Variants in GPC5 observed in about 807,000 individuals in gnomAD.
GPC5 encodes glypican 5.
GPC5 carries 47 observed loss-of-function variants against 53.9 expected under a neutral mutation model. That is an observed-to-expected ratio of 0.87 (90% CI 0.69 to 1.11). The LOEUF (loss-of-function observed/expected upper bound fraction) is 1.11. GPC5 is among the 50% of genes most tolerant of loss of function. The pLI, the probability that GPC5 is intolerant of heterozygous loss-of-function variation, is 0.00. For missense variants in GPC5, 748 were observed against 713.1 expected, an observed-to-expected ratio of 1.05 and a Z score of -0.56; for synonymous variants, 286 against 263.3, an observed-to-expected ratio of 1.09 and a Z score of -0.84.
chr13:92,482,342 G>T (rs1879389674), intron 7 of GPC5, among the ~76,000 whole-genome samples: 1 of 152,058 alleles, frequency 6.6e-6, no homozygotes, highest in Non-Finnish European at 1.5e-5. Context: ...CCTCCTAAAA[G>T]CTGTTTAGCT....
rs559340054 is a variant in GPC5, at chr13:91,455,867, G to A, written c.325+6945G>A. Among the ~76,000 whole-genome samples, 18 of 152,168 alleles carry A rather than the reference G, an allele frequency of 1.2e-4. No individual in the cohort carries two copies. The East Asian group carries it at 3.5e-3, about 29-fold the overall frequency. On this transcript the variant is annotated intron_variant, in intron 2 of 7. Coordinates refer to ENST00000377067, the MANE Select transcript of GPC5 (RefSeq NM_004466.6). ...CATTATATACATGCAACCCACTCAT[G>A]ATGTATGTGTAAAATAACTTTTATG...
intron 6 of GPC5, among the ~76,000 whole-genome samples, chr13:91,958,172 G>A (rs534887514): frequency 6.7e-6 from 1 of 148,456 alleles, no homozygotes; most frequent in East Asian, 2.0e-4. Context: ...TAGACTGAAA[G>A]TAAAGTGGGG....
chr13:92,322,274 G>GAA (rs538544943), intron 7 of GPC5, among the ~76,000 whole-genome samples: 4 of 130,046 alleles, frequency 3.1e-5, no homozygotes, highest in Non-Finnish European at 3.2e-5. Flanking sequence ...GTGAATGGGG[G>GAA]AAAAAAAAAA....
At chr13:92,489,410 A>G (rs1490064730) in intron 7 of GPC5, among the ~76,000 whole-genome samples, 1 of 152,176 alleles carries the variant, frequency 6.6e-6, no homozygotes, top group Non-Finnish European at 1.5e-5. Context: ...ACCAGTAAAT[A>G]CATCATGTGT....
At chr13:91,815,743 T>G (rs1355797813) in intron 5 of GPC5, among the ~76,000 whole-genome samples, 2 of 152,196 alleles carry the variant, frequency 1.3e-5, no homozygotes, top group African/African-American at 2.4e-5. Flanking sequence ...AGATCTGTGT[T>G]TTTCTACCAT....
chr13:92,160,297 T>G (rs1465175645), intron 7 of GPC5, among the ~76,000 whole-genome samples: 5 of 152,222 alleles, frequency 3.3e-5, no homozygotes, highest in African/African-American at 9.6e-5. Context: ...CCTGTTTTCT[T>G]GACTGGACCT....
At chr13:92,650,069 A>AAG (rs1362291467) in intron 7 of GPC5, among the ~76,000 whole-genome samples, 1 of 152,130 alleles carries the variant, frequency 6.6e-6, no homozygotes, top group Non-Finnish European at 1.5e-5. Flanking sequence ...GTTCACCTGT[A>AAG]AGATTTTACT....
chr13:92,031,728 ATT>A (rs2040845406), intron 6 of GPC5, among the ~76,000 whole-genome samples: 1 of 70,794 alleles, frequency 1.4e-5, no homozygotes, highest in Non-Finnish European at 2.5e-5. Context: ...TATGTAATAT[ATT>A]ACATATTATA....
intron 7 of GPC5, among the ~76,000 whole-genome samples, chr13:92,397,114 C>G (rs1875318126): frequency 6.6e-6 from 1 of 152,202 alleles, no homozygotes; most frequent in South Asian, 2.1e-4. Flanking sequence ...ACTGTTAACA[C>G]TTGTCCCACT....
chr13:91,494,137 G>A (rs984958483), intron 2 of GPC5, among the ~76,000 whole-genome samples: 10 of 151,434 alleles, frequency 6.6e-5, no homozygotes, highest in African/African-American at 7.3e-5. Context: ...TGATCCACCC[G>A]CCTCGGCCTC....
intron 5 of GPC5, among the ~76,000 whole-genome samples, chr13:91,840,480 T>C (rs1344199409): frequency 3.3e-5 from 5 of 152,098 alleles, no homozygotes; most frequent in African/African-American, 1.2e-4. Flanking sequence ...GAGGATATAA[T>C]GAAGCTTGCA....
intron 7 of GPC5, among the ~76,000 whole-genome samples, chr13:92,212,790 A>T (rs2042384610): frequency 6.6e-6 from 1 of 152,178 alleles, no homozygotes. Context: ...TTGGTCCGGT[A>T]CCTAAAGACT....
chr13:91,950,368 C>A (rs9589376), intron 6 of GPC5, among the ~76,000 whole-genome samples: 9,999 of 150,818 alleles, frequency 0.066, 489 homozygotes, highest in African/African-American at 0.13. Flanking sequence ...CCTCCCAGCC[C>A]CACCCTCCAC....
chr13:92,269,591 A>G (rs2042826224), intron 7 of GPC5, among the ~76,000 whole-genome samples: 1 of 152,070 alleles, frequency 6.6e-6, no homozygotes, highest in South Asian at 2.1e-4. Context: ...TATTTTTAGT[A>G]GAGACGGGAT....
intron 3 of GPC5, among the ~76,000 whole-genome samples, chr13:91,696,884 A>G (rs1221491226): frequency 6.6e-6 from 1 of 152,236 alleles, no homozygotes; most frequent in African/African-American, 2.4e-5. Flanking sequence ...AGTAGGAATT[A>G]AAAGCACAAG....
rs1403556077 is a variant in GPC5 at position 91,892,307 on chromosome 13, A to T, written c.1281-15630A>T. On this transcript the variant is annotated intron_variant, in intron 5 of 7. Transcript: ENST00000377067. ...CTCTTCTTACCAAAAATACATTTTC[A>T]TACCCATAACTTTCTTCACATTTTT... Among the ~76,000 whole-genome samples, 3 of 151,890 alleles carry T rather than the reference A, an allele frequency of 2.0e-5. 1 individual carries two copies. The highest frequency in any genetic ancestry group is 4.1e-4 in the South Asian group (2 of 4,836).
rs190596382 is a variant in GPC5, at chr13:91,988,273, T to C, written c.1401+80216T>C. Among the ~76,000 whole-genome samples, 229 of 152,236 alleles carry C rather than the reference T, an allele frequency of 1.5e-3. 1 individual carries two copies. The Middle Eastern group carries it at 0.051, about 34-fold the overall frequency. On this transcript the variant is annotated intron_variant, in intron 6 of 7. Coordinates refer to ENST00000377067, the MANE Select transcript of GPC5 (RefSeq NM_004466.6). ...AATGAACATGTGGTGTGAATTGTTA[T>C]GAATATCCTTGTATATGAGAAAGCC...
At chr13:91,444,630 C>G (rs1296082827) in intron 1 of GPC5, among the ~76,000 whole-genome samples, 1 of 152,104 alleles carries the variant, frequency 6.6e-6, no homozygotes, top group Non-Finnish European at 1.5e-5. Flanking sequence ...TTCCTTTGCA[C>G]TTTGGGCTAG....
chr13:92,075,115 C>A (rs929987271), intron 6 of GPC5, among the ~76,000 whole-genome samples: 8 of 151,980 alleles, frequency 5.3e-5, no homozygotes, highest in Non-Finnish European at 1.0e-4. Flanking sequence ...ATTCCTTTAC[C>A]CAATGCCAAA....
Sources: gnomAD v4.1 joint callset for allele counts (sites outside exome capture counted in the v4.1 genomes callset) on GRCh38, gnomAD v4.1.1 for gene constraint, MANE v1.5 for transcripts, NCBI Gene and HGNC (gene_info 2026-07-23, HGNC 2026-07-21) for gene names.